Variants in MYO5C observed in about 807,000 individuals in gnomAD.
The protein encoded by MYO5C is myosin VC.
In MYO5C, 194 loss-of-function variants were observed where a neutral mutation model predicts 235.7. The observed-to-expected ratio is 0.82, with a 90% confidence interval of 0.73 to 0.93. The LOEUF (loss-of-function observed/expected upper bound fraction) is 0.93. MYO5C is among the 40% of genes least tolerant of loss of function. The pLI is 0.00. For synonymous variants in MYO5C, 707 were observed against 754.8 expected, an observed-to-expected ratio of 0.94 and a Z score of 1.04; for missense variants, 2,038 against 2,127.2, an observed-to-expected ratio of 0.96 and a Z score of 0.82.
intron 22 of MYO5C, chr15:52,237,246 G>T: frequency 2.6e-6 from 1 of 389,214 alleles, no homozygotes; most frequent in Non-Finnish European, 4.5e-6. Context: ...TGCAAAACTT[G>T]AAAGAAAGAG....
Position 52,242,120 on chromosome 15 carries a change from C to G in MYO5C, c.2484G>C (p.Gln828His). ...CRGYLVRSLY[Q>H]LIRMATITMQ... ...TTGTGATGGTGGCCATGCGAATCAA[C>G]TGATACAGGCTGCGAACAAGATACC... The change falls in exon 20 of 41, where the codon CAG (glutamine) becomes CAC (histidine). Residue 828 changes from glutamine to histidine, a missense_variant. Physicochemically the swap from Gln to His is conservative, Grantham distance 24 (BLOSUM62 0). Transcript: ENST00000261839. The G allele has an allele frequency of 6.2e-7, 1 of 1,614,172 alleles. No individual in the cohort carries two copies. Among genetic ancestry groups the G allele is most frequent in the Non-Finnish European group, 8.5e-7 (1 of 1,180,018 alleles).
intron 28 of MYO5C, among the ~76,000 whole-genome samples, 180 bp downstream of exon 28, chr15:52,224,721 A>C (rs1346812247): frequency 6.6e-6 from 1 of 152,232 alleles, no homozygotes; most frequent in Non-Finnish European, 1.5e-5. Flanking sequence ...TCCCACAAAG[A>C]GATTGCTCTT....
rs1377029635 is a variant in MYO5C, at chr15:52,273,224, G to C, written c.607-501C>G. Among the ~76,000 whole-genome samples the C allele has an allele frequency of 3.9e-5, 6 of 152,156 alleles. No homozygotes were observed. In the East Asian group the frequency reaches 9.6e-4, roughly 24 times the overall value. Reference sequence around the variant, plus strand: ...TGTAGTCCTAGCTACTCAGAAAGCTGAGATGGGAGGATTGCTGGAGCCCAG... The same window carrying C: ...TGTAGTCCTAGCTACTCAGAAAGCTCAGATGGGAGGATTGCTGGAGCCCAG... On this transcript the variant is annotated intron_variant, in intron 5 of 40. Coordinates refer to ENST00000261839, the MANE Select transcript of MYO5C (RefSeq NM_018728.4).
chr15:52,220,759 G>A (rs968177161), intron 30 of MYO5C, among the ~76,000 whole-genome samples: 4 of 151,710 alleles, frequency 2.6e-5, no homozygotes, highest in Admixed American at 2.0e-4. Flanking sequence ...CCCGGGAGGC[G>A]GAGGCTCCAG....
In MYO5C at chr15:52,248,697, G is replaced by T. The variant is rs745347536; in HGVS notation, c.1746+3C>A. 6.2e-7 allele frequency: 1 copy of T among 1,611,502 alleles called. No homozygotes were observed. The highest frequency in any genetic ancestry group is 8.5e-7 in the Non-Finnish European group (1 of 1,177,852). On this transcript the variant is annotated splice_donor_region_variant and intron_variant, in intron 14 of 40. Coordinates refer to ENST00000261839, the MANE Select transcript of MYO5C (RefSeq NM_018728.4). ...CTTTAGTTACCCCTAGGACTTTACA[G>T]ACCTTGCTTGCTCTCAGGATTTCAA...
chr15:52,279,503 C>T lies in MYO5C; in HGVS notation c.304+6G>A, dbSNP rs374940172. On this transcript the variant is annotated splice_donor_region_variant and intron_variant, in intron 3 of 40. Coordinates refer to ENST00000261839, the MANE Select transcript of MYO5C (RefSeq NM_018728.4). ...ATTCCTTACTTCCTAGAATTGCTCT[C>T]CTTACCACTGTAGGTGTAAATGAGT... The T allele has an allele frequency of 3.1e-6, 5 of 1,609,678 alleles. No individual in the cohort carries two copies. In the South Asian group the frequency reaches 3.3e-5, roughly 11 times the overall value.
intron 6 of MYO5C, 69 bp from the exon 7 acceptor site, chr15:52,271,913 T>A: frequency 1.1e-6 from 1 of 905,440 alleles, no homozygotes; most frequent in Non-Finnish European, 1.7e-6. Context: ...GGTTTTTAAC[T>A]AGAGGGTCCT....
At position 52,194,050 on chromosome 15, in the gene MYO5C, A is replaced by T. The variant is rs770298266; in HGVS notation, c.5081T>A (p.Leu1694His). Residue 1694 changes from leucine (L) to histidine (H), a missense_variant, in exon 41 of 41, where the codon CTC becomes CAC. Physicochemically the swap from Leu to His is moderately conservative, Grantham distance 99. Transcript: ENST00000261839. ...TGATGAATCCTCCCGGCTATTTAGGAGAGCCTGAAATTAGAATCAGAGGAA... is the reference window on the plus strand; with the variant it reads ...TGATGAATCCTCCCGGCTATTTAGGTGAGCCTGAAATTAGAATCAGAGGAA... ...TPSFVRKVQALLNSREDSSQL... is the reference protein window; with the variant it reads ...TPSFVRKVQAHLNSREDSSQL... 2.5e-6 allele frequency: 4 copies of T among 1,608,642 alleles called. No individual in the cohort carries two copies. The highest frequency in any genetic ancestry group is 3.4e-6 in the Non-Finnish European group (4 of 1,178,598).
At chr15:52,194,836 AAGAAAATCCACAGATAACTATTG>A (rs1377969204) in intron 40 of MYO5C, among the ~76,000 whole-genome samples, 1 of 151,998 alleles carries the variant, frequency 6.6e-6, no homozygotes, top group Non-Finnish European at 1.5e-5. Flanking sequence ...GAAGTACACG[AAGAAAATCCACAGATAACTATTG>A]AGAAAATCCA....
chr15:52,254,275 G>A (rs1006900012), intron 11 of MYO5C, among the ~76,000 whole-genome samples: 2 of 152,186 alleles, frequency 1.3e-5, no homozygotes, highest in Admixed American at 6.5e-5. Flanking sequence ...GCTCAGAGGA[G>A]GGAAGAACCG....
At chr15:52,286,121 C>T (rs2037262281) in intron 1 of MYO5C, among the ~76,000 whole-genome samples, 1 of 150,912 alleles carries the variant, frequency 6.6e-6, no homozygotes, top group Admixed American at 6.6e-5. Flanking sequence ...GCCCGGCAGC[C>T]GCACCCTCTG....
intron 24 of MYO5C, among the ~76,000 whole-genome samples, chr15:52,231,544 A>T (rs921017674): frequency 6.6e-6 from 1 of 152,220 alleles, no homozygotes; most frequent in Non-Finnish European, 1.5e-5. Flanking sequence ...TTAATTAGAC[A>T]TATTTAAAAA....
At chr15:52,197,421 G>A (rs187132884) in intron 38 of MYO5C, among the ~76,000 whole-genome samples, 4 of 152,302 alleles carry the variant, frequency 2.6e-5, no homozygotes, top group Admixed American at 1.3e-4. Flanking sequence ...ATTTTTAAAT[G>A]TCCAGAATAG....
Position 52,271,775 on chromosome 15 carries a change from GT to G in MYO5C, c.819del (p.Lys273AsnfsTer25). 2 of 1,544,654 alleles carry G rather than the reference GT, an allele frequency of 1.3e-6. No individual in the cohort carries two copies. The highest frequency in any genetic ancestry group is 1.8e-6 in the Non-Finnish European group (2 of 1,133,900). ...LCASAQQSEF[K>X]HLKLGSAEEF... is the part of the protein sequence containing the mutation. ...ATCCATCACATACCCAATTTAAGAT[GT>G]TTAAATTCCGACTGCTGTGCAGATG... On this transcript the variant is annotated frameshift_variant, in exon 7 of 41. Coordinates refer to ENST00000261839, the MANE Select transcript of MYO5C (RefSeq NM_018728.4). LOFTEE classifies it high-confidence loss of function.
chr15:52,193,697 A>C lies in MYO5C; in HGVS notation c.*205T>G, dbSNP rs551260269. On this transcript the variant is annotated 3_prime_UTR_variant, in exon 41 of 41. Transcript: ENST00000261839. ...TTCGAGAGTGAGACATGGCTTTTCCAAATACAGCTGGTGTGTGTGAATTCT... is the reference window on the plus strand; with the variant it reads ...TTCGAGAGTGAGACATGGCTTTTCCCAATACAGCTGGTGTGTGTGAATTCT... 1.8e-6 allele frequency: 1 copy of C among 549,110 alleles called. No individual in the cohort carries two copies. Among genetic ancestry groups the C allele is most frequent in the Non-Finnish European group, 3.1e-6 (1 of 318,822 alleles). 34.0% of individuals were successfully genotyped at this position (549,110 alleles called of 1,614,324 possible). A position where few individuals can be genotyped will look rare whatever the true frequency, so the allele number is the denominator to read the frequency against.
chr15:52,285,957 T>C (rs1043036226), intron 1 of MYO5C, among the ~76,000 whole-genome samples: 8 of 151,996 alleles, frequency 5.3e-5, no homozygotes, highest in African/African-American at 1.9e-4. Context: ...GGAGCGCCTC[T>C]TCCCGGCCGC....
intron 30 of MYO5C, among the ~76,000 whole-genome samples, chr15:52,220,556 C>T (rs563967459): frequency 2.0e-5 from 3 of 152,010 alleles, no homozygotes; most frequent in East Asian, 1.9e-4. Context: ...CAGTAGCTCA[C>T]GGCTGTAATC....
chr15:52,228,449 A>G (rs1596163871), intron 25 of MYO5C, among the ~76,000 whole-genome samples: 1 of 152,174 alleles, frequency 6.6e-6, no homozygotes, highest in African/African-American at 2.4e-5. Flanking sequence ...GCAGGTAACA[A>G]TATTTTTATA....
chr15:52,207,235 A>G (rs566723442), intron 36 of MYO5C, among the ~76,000 whole-genome samples: 1 of 152,354 alleles, frequency 6.6e-6, no homozygotes, highest in Non-Finnish European at 1.5e-5. Flanking sequence ...GGTAACTGAA[A>G]AAGCAGTCAG....
Sources: gnomAD v4.1 joint callset for allele counts (sites outside exome capture counted in the v4.1 genomes callset) on GRCh38, gnomAD v4.1.1 for gene constraint, MANE v1.5 for transcripts, NCBI Gene and HGNC (gene_info 2026-07-23, HGNC 2026-07-21) for gene names.